Variants in GIT2 observed in about 807,000 individuals in gnomAD.
GIT2 encodes the protein ARF GTPase-activating protein GIT2.
In GIT2, 32 loss-of-function variants were observed where a neutral mutation model predicts 100.3. The ratio of observed to expected loss-of-function variants is 0.32; its 90% CI spans 0.24 to 0.43. The LOEUF (loss-of-function observed/expected upper bound fraction) is 0.43. Ranked by LOEUF, GIT2 falls within the 20% of genes least tolerant of loss-of-function variation. The pLI, the probability that GIT2 is intolerant of heterozygous loss-of-function variation, is 1.00. For synonymous variants in GIT2, 353 were observed against 364.1 expected, an observed-to-expected ratio of 0.97 and a Z score of 0.35; for missense variants, 737 against 975.1, an observed-to-expected ratio of 0.76 and a Z score of 3.25.
At chr12:109,992,427 G>C (rs777253843) in intron 1 of GIT2, among the ~76,000 whole-genome samples, 3 of 151,630 alleles carry the variant, frequency 2.0e-5, no homozygotes, top group African/African-American at 7.3e-5. Context: ...GATTACAGGC[G>C]TGAGCCACTG....
At chr12:109,949,720 A>C (rs1400418322) in intron 14 of GIT2, among the ~76,000 whole-genome samples, 1 of 152,268 alleles carries the variant, frequency 6.6e-6, no homozygotes, top group African/African-American at 2.4e-5. Flanking sequence ...AGAGATAATG[A>C]GGCTCTCTCT....
intron 7 of GIT2, among the ~76,000 whole-genome samples, chr12:109,979,842 C>T (rs1166013594): frequency 6.6e-6 from 1 of 152,142 alleles, no homozygotes; most frequent in East Asian, 1.9e-4. Context: ...GCTCTTAACT[C>T]TATCATACAA....
chr12:109,943,214 CAA>C (rs918885611), intron 16 of GIT2, among the ~76,000 whole-genome samples: 75 of 152,284 alleles, frequency 4.9e-4, no homozygotes, highest in African/African-American at 1.4e-3. Context: ...TCACAGTAGA[CAA>C]AAGAGGTTTG....
Position 109,934,645 on chromosome 12 carries a change from G to T in GIT2, c.2004-560C>A, listed in dbSNP as rs1006280895. On this transcript the variant is annotated intron_variant, in intron 18 of 19. Coordinates refer to ENST00000355312, the MANE Select transcript of GIT2 (RefSeq NM_057169.5). The surrounding 1 kb of genome is among the most constrained non-coding windows in gnomAD (Gnocchi z 4.5). ...AATCTCTTGCCTCAGCCTCCAAAGT[G>T]CTGGGGTTACAGGTGTGAGCCACGG... is the stretch of plus-strand genomic sequence containing the variant. Among the ~76,000 whole-genome samples, 1 of 152,186 alleles carries T rather than the reference G, an allele frequency of 6.6e-6. No homozygotes were observed. The highest frequency in any genetic ancestry group is 2.4e-5 in the African/African-American group (1 of 41,448).
chr12:109,952,989 G>A (rs1463632651), intron 13 of GIT2, 103 bp downstream of exon 13: 2 of 1,130,480 alleles, frequency 1.8e-6, no homozygotes, highest in African/African-American at 3.1e-5. Flanking sequence ...CCTTTGCTTG[G>A]CCTGAGCTAG....
chr12:109,965,762 C>G (rs1882178690), intron 8 of GIT2, 185 bp from the exon 9 acceptor site: 2 of 738,950 alleles, frequency 2.7e-6, no homozygotes, highest in East Asian at 5.1e-5. Context: ...GAAAGTAACT[C>G]CTTCTGAAAT....
intron 13 of GIT2, 46 bp from the exon 14 acceptor site, chr12:109,951,362 C>T (rs1877806623): frequency 1.4e-6 from 2 of 1,473,350 alleles, no homozygotes; most frequent in Non-Finnish European, 1.9e-6. Context: ...ATGACGAGAA[C>T]ATTAAAGACT....
chr12:109,977,830 A>AAAC (rs1387892760), intron 7 of GIT2, among the ~76,000 whole-genome samples: 1 of 151,786 alleles, frequency 6.6e-6, no homozygotes, highest in Non-Finnish European at 1.5e-5. Context: ...TCAAACAAAC[A>AAAC]AAGTATTATT....
At chr12:109,990,078 G>C (rs1888104165) in intron 2 of GIT2, among the ~76,000 whole-genome samples, 1 of 152,064 alleles carries the variant, frequency 6.6e-6, no homozygotes, top group South Asian at 2.1e-4. Context: ...CTTAGAGCAG[G>C]GTTTCCCAAA....
chr12:109,994,751 T>C (rs1197239371), intron 1 of GIT2, among the ~76,000 whole-genome samples: 2 of 152,310 alleles, frequency 1.3e-5, no homozygotes, highest in East Asian at 1.9e-4. Context: ...AAGAGGAAGT[T>C]AGAAGCTAGA....
In GIT2 at chr12:109,961,320, G is replaced by C. The variant is rs1477215692; in HGVS notation, c.945C>G (p.Pro315=). 6.2e-7 allele frequency: 1 copy of C among 1,613,508 alleles called. No individual in the cohort carries two copies. The highest frequency in any genetic ancestry group is 8.5e-7 in the Non-Finnish European group (1 of 1,179,530). The change falls in exon 11 of 20, where the codon CCC becomes CCG. Residue 315 remains proline, a synonymous_variant. Transcript: ENST00000355312. The part of the protein sequence containing the change: ...SALVTETTVV[P]FLPVNPEYSS... ...AGTACTCAGGATTGACCGGAAGAAAGGGGACGACCGTTGTCTCGGTTACCA... is the reference window on the plus strand; with the variant it reads ...AGTACTCAGGATTGACCGGAAGAAACGGGACGACCGTTGTCTCGGTTACCA...
At chr12:109,988,848 C>CAA (rs59956597) in intron 4 of GIT2, 115 bp downstream of exon 4, 2,847 of 201,256 alleles carry the variant, frequency 0.014, 68 homozygotes, top group African/African-American at 0.082. Context: ...GACTCTGTCT[C>CAA]AAAAAAAAAA....
intron 2 of GIT2, 139 bp downstream of exon 2, chr12:109,991,488 T>C (rs560254986): frequency 4.0e-5 from 27 of 666,952 alleles, no homozygotes; most frequent in African/African-American, 3.6e-4. Flanking sequence ...GTAAATAGCA[T>C]TGATGGGCAT....
intron 12 of GIT2, among the ~76,000 whole-genome samples, chr12:109,959,134 CT>C (rs964690230): frequency 4.0e-5 from 6 of 149,798 alleles, no homozygotes; most frequent in Non-Finnish European, 5.9e-5. Context: ...GTGGTGCAAT[CT>C]CGGCTCACTG....
intron 7 of GIT2, among the ~76,000 whole-genome samples, chr12:109,980,547 C>T (rs537638552): frequency 4.6e-5 from 7 of 152,294 alleles, no homozygotes; most frequent in Non-Finnish European, 8.8e-5. Flanking sequence ...TCACAAATAG[C>T]CAAGTTGGCT....
intron 7 of GIT2, among the ~76,000 whole-genome samples, chr12:109,977,433 C>T (rs545073982): frequency 1.6e-4 from 25 of 152,232 alleles, no homozygotes; most frequent in African/African-American, 5.8e-4. Flanking sequence ...ATCACTTGAG[C>T]TCAAGAGGTT....
chr12:109,989,824 T>G, intron 2 of GIT2, 22 bp from the exon 3 acceptor site: 1 of 1,219,188 alleles, frequency 8.2e-7, no homozygotes, highest in Non-Finnish European at 1.2e-6. Context: ...CAGGATGACA[T>G]AAGACTTTAA....
In GIT2 at chr12:109,932,982, T is replaced by C; in HGVS notation, c.2276A>G (p.Asn759Ser). Reference sequence around the variant, plus strand: ...GGAGGCGGTGCCCTGCCCTTGTCAGTTGTTGTTCTCTTTGGTGGTGATGGT... The same window carrying C: ...GGAGGCGGTGCCCTGCCCTTGTCAGCTGTTGTTCTCTTTGGTGGTGATGGT... ...LVTITTKENN[N>S] Residue 759 changes from asparagine (N) to serine (S), a missense_variant, in exon 20 of 20, where the codon AAC (asparagine) becomes AGC (serine). This residue lies in a region of GIT2 where 451 missense variants were observed against 543.7 expected (regional missense o/e 0.83). Coordinates refer to ENST00000355312, the MANE Select transcript of GIT2 (RefSeq NM_057169.5). 2 of 1,594,176 alleles carry C rather than the reference T, an allele frequency of 1.3e-6. No individual in the cohort carries two copies. Among genetic ancestry groups the C allele is most frequent in the Non-Finnish European group, 1.7e-6 (2 of 1,162,434 alleles).
chr12:109,971,821 T>C (rs891033258), intron 7 of GIT2, among the ~76,000 whole-genome samples: 5 of 151,560 alleles, frequency 3.3e-5, no homozygotes, highest in Non-Finnish European at 7.4e-5. Flanking sequence ...GGCGAAACCC[T>C]GTCTCTACTG....
Sources: gnomAD v4.1 joint callset for allele counts (sites outside exome capture counted in the v4.1 genomes callset) on GRCh38, gnomAD v4.1.1 for gene constraint, gnomAD v4.1.1 regional missense constraint, Gnocchi (gnomAD v3.1) non-coding constraint, MANE v1.5 for transcripts, NCBI Gene and HGNC (gene_info 2026-07-23, HGNC 2026-07-21) for gene names.